The following FRMD1 variants were observed in gnomAD, a reference collection of about 807,000 sequenced individuals.
FRMD1 encodes the protein FERM domain containing 1, also known as FERM domain-containing protein 1.
In FRMD1, 51 loss-of-function variants were observed where a neutral mutation model predicts 54.9. The ratio of observed to expected loss-of-function variants is 0.93; its 90% confidence interval spans 0.74 to 1.17. The LOEUF (loss-of-function observed/expected upper bound fraction) is 1.17. Ranked by LOEUF, FRMD1 falls within the 50% of genes most tolerant of loss-of-function variation. The probability of loss-of-function intolerance (pLI) is 0.00; values close to 1 mark genes in which losing one functional copy is unlikely to be tolerated. For synonymous variants in FRMD1, 324 were observed against 306.4 expected (o/e 1.06, Z -0.60); for missense variants, 729 against 743.0 (o/e 0.98, Z 0.22).
At chr6:168,069,932 G>A (rs1490098108) in intron 2 of FRMD1, among the ~76,000 whole-genome samples, 1 of 152,110 alleles carries the variant, frequency 6.6e-6, no homozygotes, top group Non-Finnish European at 1.5e-5. Flanking sequence ...TTAAGATGAA[G>A]GCGACACTCA....
At position 168,060,855 on chromosome 6, in the gene FRMD1, G is replaced by A. The variant is rs755246476; in HGVS notation, c.1248C>T (p.Asp416=). ...GGAGCCCGTGGACCTCCAAGGGCAC[G>A]TCCACAGACATCTCTCTGGATTCCC... is the stretch of plus-strand genomic sequence containing the variant. ...WLRESREMSV[D]VPLEVHGLHE... is the part of the protein sequence containing the mutation. Residue 416 remains aspartate (D), a synonymous_variant, in exon 9 of 11, where the codon GAC becomes GAT. Coordinates refer to ENST00000283309, the MANE Select transcript of FRMD1 (RefSeq NM_024919.6). 6.8e-6 allele frequency: 11 copies of A among 1,613,746 alleles called. No homozygotes were observed. The highest frequency in any genetic ancestry group is 8.5e-6 in the Non-Finnish European group (10 of 1,180,032).
In FRMD1 at chr6:168,064,927, G is replaced by A. The variant is rs749561600; in HGVS notation, c.592C>T (p.Arg198Trp). 23 of 1,606,904 alleles carry A rather than the reference G, an allele frequency of 1.4e-5. No homozygotes were observed. In the East Asian group the frequency reaches 2.5e-4, roughly 17 times the overall value. Reference protein sequence around the residue: ...CALQADLGEHRESAHAGRYFE... With the variant: ...CALQADLGEHWESAHAGRYFE... ...TACCTCCCGGCATGGGCCGACTCCC[G>A]GTGCTCGCCCAGGTCAGCCTGCAGC... Residue 198 changes from arginine to tryptophan, a missense_variant, in exon 5 of 11, where the codon CGG becomes TGG. Arg to Trp is a moderately radical substitution (Grantham distance 101). Coordinates refer to ENST00000283309, the MANE Select transcript of FRMD1 (RefSeq NM_024919.6).
At chr6:168,071,803 C>T (rs1263149730) in intron 2 of FRMD1, among the ~76,000 whole-genome samples, 2 of 152,216 alleles carry the variant, frequency 1.3e-5, no homozygotes, top group Non-Finnish European at 2.9e-5. Context: ...TGCCTGGCCG[C>T]CAGTGGGAGC....
In FRMD1 at chr6:168,057,221, C is replaced by T. The variant is rs61741375; in HGVS notation, c.1526G>A (p.Arg509His). The T allele has an allele frequency of 1.3e-3, 2,063 of 1,608,512 alleles. 29 individuals carry two copies. The African/African-American group carries it at 0.024, about 19-fold the overall frequency. Residue 509 changes from arginine to histidine, a missense_variant, in exon 11 of 11, where the codon CGC becomes CAC. Coordinates refer to ENST00000283309, the MANE Select transcript of FRMD1 (RefSeq NM_024919.6). Reference sequence around the variant, plus strand: ...GCCTGCCAGCCTGCAGTCCAGGGCGCGGTGGAAGGTATGGCTGAGTGAGGT... The same window carrying T: ...GCCTGCCAGCCTGCAGTCCAGGGCGTGGTGGAAGGTATGGCTGAGTGAGGT... Reference protein sequence around the residue: ...APTSLSHTFHRALDCRLAGPC... With the variant: ...APTSLSHTFHHALDCRLAGPC...
upstream of FRMD1, among the ~76,000 whole-genome samples, chr6:168,082,782 G>T (rs1035069806): frequency 6.6e-6 from 1 of 152,210 alleles, no homozygotes; most frequent in Non-Finnish European, 1.5e-5. Flanking sequence ...GATGACTGAG[G>T]CTGGTATCTG....
At chr6:168,089,848 G>A (rs1017320803) in intron 1 of FRMD1, among the ~76,000 whole-genome samples, 2 of 152,306 alleles carry the variant, frequency 1.3e-5, no homozygotes, top group Non-Finnish European at 2.9e-5. Flanking sequence ...CGTGAGCCCC[G>A]CAGTGAGAAC....
intron 1 of FRMD1, among the ~76,000 whole-genome samples, chr6:168,086,712 G>A (rs797006857): frequency 6.6e-5 from 10 of 152,168 alleles, no homozygotes; most frequent in African/African-American, 1.7e-4. Context: ...TTGGGCCGTC[G>A]TCTGTCACCC....
upstream of FRMD1, among the ~76,000 whole-genome samples, chr6:168,082,754 G>T (rs780512333): frequency 6.6e-6 from 1 of 152,162 alleles, no homozygotes; most frequent in Non-Finnish European, 1.5e-5. Flanking sequence ...AACAAACCAC[G>T]AAAGCCTCGT....
chr6:168,081,356 G>C, upstream of FRMD1: 1 of 1,529,698 alleles, frequency 6.5e-7, no homozygotes, highest in Non-Finnish European at 8.7e-7. Context: ...TGAATGTCTT[G>C]TCTTCTCGAC....
chr6:168,062,318 G>C (rs1484292389), intron 7 of FRMD1, among the ~76,000 whole-genome samples: 2 of 152,232 alleles, frequency 1.3e-5, no homozygotes, highest in Non-Finnish European at 2.9e-5. Context: ...CCGGCACCCG[G>C]GCTGTGGGGT....
In FRMD1 at chr6:168,056,036, A is replaced by C. The variant is rs1799386498; in HGVS notation, c.*1061T>G. On this transcript the variant is annotated 3_prime_UTR_variant, in exon 11 of 11. Coordinates refer to ENST00000283309, the MANE Select transcript of FRMD1 (RefSeq NM_024919.6). ...AAGGGGGCAGTGGTGTTCAGGGCAC[A>C]GGGCTGAACGATTGTGGCCTCTCAG... 6.6e-6 allele frequency: 1 copy of C among 152,284 alleles called. No individual in the cohort carries two copies. Among genetic ancestry groups the C allele is most frequent in the Non-Finnish European group, 1.5e-5 (1 of 68,092 alleles). 9.4% of individuals were successfully genotyped at this position (152,284 alleles called of 1,614,324 possible).
rs1259001399 is a variant in FRMD1 at position 168,059,109 on chromosome 6, TG to T, written c.1407+14del. The T allele has an allele frequency of 6.4e-6, 10 of 1,557,276 alleles. No homozygotes were observed. Among genetic ancestry groups the T allele is most frequent in the Non-Finnish European group, 4.3e-6 (5 of 1,154,176 alleles). Reference sequence around the variant, plus strand: ...GAGCAGGGCCAGGGCTTCTGGCCCGTGGGGGGGACTCTACCTGGTGCACGGC... The same window carrying T: ...GAGCAGGGCCAGGGCTTCTGGCCCGTGGGGGGACTCTACCTGGTGCACGGC... On this transcript the variant is annotated intron_variant, in intron 10 of 10. Coordinates refer to ENST00000283309, the MANE Select transcript of FRMD1 (RefSeq NM_024919.6). The surrounding 1 kb of genome is among the most constrained non-coding windows in gnomAD (Gnocchi z 4.4).
At chr6:168,084,221 C>T (rs145809771), upstream of FRMD1, among the ~76,000 whole-genome samples, 19 of 152,184 alleles carry the variant, frequency 1.2e-4, no homozygotes, top group East Asian at 1.7e-3. Flanking sequence ...AGGGATTAGA[C>T]GGAAGCCTGG....
chr6:168,073,008 G>C (rs575866969), intron 2 of FRMD1, among the ~76,000 whole-genome samples: 3 of 152,300 alleles, frequency 2.0e-5, no homozygotes, highest in South Asian at 2.1e-4. Context: ...GGGAAGCTAC[G>C]TGTTTTGACT....
chr6:168,071,574 A>G (rs1261836586), intron 2 of FRMD1, among the ~76,000 whole-genome samples: 1 of 152,216 alleles, frequency 6.6e-6, no homozygotes, highest in Non-Finnish European at 1.5e-5. Flanking sequence ...AGGTGACCCC[A>G]GATTCCTTTC....
At chr6:168,091,782 C>T (rs569103524) in intron 1 of FRMD1, among the ~76,000 whole-genome samples, 63 of 152,368 alleles carry the variant, frequency 4.1e-4, no homozygotes, top group Middle Eastern at 6.8e-3. Flanking sequence ...TCCGCGGAAG[C>T]GAAACGCAGT....
chr6:168,081,301 T>C, upstream of FRMD1: 1 of 1,459,094 alleles, frequency 6.9e-7, no homozygotes, highest in Non-Finnish European at 9.1e-7. Flanking sequence ...CTTTGCACCC[T>C]GAGAAGGCAG....
At chr6:168,089,018 G>A (rs1387276938) in intron 1 of FRMD1, among the ~76,000 whole-genome samples, 3 of 151,522 alleles carry the variant, frequency 2.0e-5, no homozygotes, top group South Asian at 2.1e-4. Flanking sequence ...AATGGGAGCT[G>A]TGGCTTAGGG....
At chr6:168,065,907 C>T in intron 4 of FRMD1, 1 of 1,000,298 alleles carries the variant, frequency 1.0e-6, no homozygotes, top group South Asian at 4.7e-5. Flanking sequence ...ACCCCTGAAG[C>T]TCTGTTCTGG....
Sources: allele counts gnomAD v4.1 joint callset (sites outside exome capture counted in the v4.1 genomes callset), GRCh38; gene constraint gnomAD v4.1.1; non-coding constraint Gnocchi (gnomAD v3.1); transcripts MANE v1.5; gene names NCBI Gene and HGNC (gene_info 2026-07-23, HGNC 2026-07-21).